ELOVL5: variants seen among roughly 807,000 people sequenced by gnomAD.
ELOVL5 encodes very long chain fatty acid elongase 5.
In ELOVL5, 8 loss-of-function variants were observed where a neutral mutation model predicts 38.6. That is an observed-to-expected ratio of 0.21 (90% CI 0.12 to 0.37). The LOEUF (loss-of-function observed/expected upper bound fraction) is 0.37. Ranked by LOEUF, ELOVL5 falls within the 10% of genes least tolerant of loss-of-function variation. The probability of loss-of-function intolerance (pLI) is 1.00; values close to 1 mark genes in which losing one functional copy is unlikely to be tolerated. For synonymous variants in ELOVL5, 127 were observed against 133.7 expected (o/e 0.95, Z 0.34); for missense variants, 280 against 367.8 (o/e 0.76, Z 1.95).
chr6:53,295,944 T>G (rs1766979775), intron 1 of ELOVL5, among the ~76,000 whole-genome samples: 1 of 152,304 alleles, frequency 6.6e-6, no homozygotes, highest in East Asian at 1.9e-4. Context: ...GCCAGTTTTC[T>G]GAACTTCTTT....
chr6:53,306,224 G>A (rs1359850443), intron 1 of ELOVL5, among the ~76,000 whole-genome samples: 1 of 25,090 alleles, frequency 4.0e-5, no homozygotes, highest in African/African-American at 4.6e-4. Flanking sequence ...AGAGGGGAGA[G>A]GGGAGAGGGG....
At chr6:53,276,818 G>A (rs985610390) in intron 3 of ELOVL5, among the ~76,000 whole-genome samples, 1 of 152,024 alleles carries the variant, frequency 6.6e-6, no homozygotes, top group Non-Finnish European at 1.5e-5. Flanking sequence ...TAGGCTCAGG[G>A]ATAATTTAGT....
At chr6:53,305,686 G>A (rs1052900889) in intron 1 of ELOVL5, among the ~76,000 whole-genome samples, 1 of 150,982 alleles carries the variant, frequency 6.6e-6, no homozygotes, top group Admixed American at 6.6e-5. Context: ...CAGGTAGGAT[G>A]GCGGCCGGGC....
At chr6:53,318,777 C>T (rs1035573968) in intron 1 of ELOVL5, among the ~76,000 whole-genome samples, 2 of 152,058 alleles carry the variant, frequency 1.3e-5, no homozygotes, top group Non-Finnish European at 2.9e-5. Flanking sequence ...AAAGCACATA[C>T]TCGTAAGCTT....
chr6:53,309,047 T>TG (rs1305600177), intron 1 of ELOVL5, among the ~76,000 whole-genome samples: 1 of 152,140 alleles, frequency 6.6e-6, no homozygotes, highest in Admixed American at 6.5e-5. Context: ...CTGCACCTGA[T>TG]GGATTTTTTA....
chr6:53,323,244 T>C (rs2094783250), intron 1 of ELOVL5, among the ~76,000 whole-genome samples: 1 of 152,202 alleles, frequency 6.6e-6, no homozygotes, highest in Admixed American at 6.5e-5. Context: ...GTCTAAGATT[T>C]AGGTGAGGAA....
At chr6:53,276,530 C>T (rs569797628) in intron 3 of ELOVL5, among the ~76,000 whole-genome samples, 2 of 152,278 alleles carry the variant, frequency 1.3e-5, no homozygotes, top group Admixed American at 1.3e-4. Flanking sequence ...AACCCTCAGC[C>T]CGTCACCCCC....
chr6:53,339,441 G>A (rs1215255950), intron 1 of ELOVL5, among the ~76,000 whole-genome samples: 2 of 152,176 alleles, frequency 1.3e-5, no homozygotes, highest in African/African-American at 2.4e-5. Context: ...GAACACCATG[G>A]CCCAGCACAG....
intron 3 of ELOVL5, among the ~76,000 whole-genome samples, chr6:53,286,299 C>T (rs1766567556): frequency 6.6e-6 from 1 of 152,162 alleles, no homozygotes; most frequent in African/African-American, 2.4e-5. Context: ...CAGTGGCTCA[C>T]ACCTGTAATC....
intron 3 of ELOVL5, among the ~76,000 whole-genome samples, chr6:53,288,559 C>T (rs926249429): frequency 2.0e-5 from 3 of 152,160 alleles, no homozygotes; most frequent in African/African-American, 7.2e-5. Flanking sequence ...GAAATAAACA[C>T]TAAAGTTAAT....
intron 4 of ELOVL5, 138 bp downstream of exon 4, chr6:53,276,041 A>AT (rs557429923): frequency 6.6e-6 from 4 of 608,276 alleles, no homozygotes; most frequent in Non-Finnish European, 1.2e-5. Context: ...ATGTGTATAT[A>AT]TTGCCTTTTT....
chr6:53,311,369 G>A (rs1002887594), intron 1 of ELOVL5, among the ~76,000 whole-genome samples: 3 of 152,268 alleles, frequency 2.0e-5, no homozygotes, highest in South Asian at 2.1e-4. Flanking sequence ...ATACTCAGGC[G>A]CTTGCTGTTG....
chr6:53,340,608 C>T (rs1332739326), intron 1 of ELOVL5, among the ~76,000 whole-genome samples: 2 of 152,160 alleles, frequency 1.3e-5, no homozygotes, highest in African/African-American at 2.4e-5. Flanking sequence ...TTTAGATATA[C>T]AGATACTTGC....
chr6:53,304,595 C>G (rs1019215650), intron 1 of ELOVL5, among the ~76,000 whole-genome samples: 1 of 152,182 alleles, frequency 6.6e-6, no homozygotes, highest in South Asian at 2.1e-4. Context: ...GTTTGTGTCC[C>G]TGGGTACTTG....
rs1240387215 is a variant in ELOVL5 at position 53,294,089 on chromosome 6, T to C, written c.58+1553A>G. 23 of 1,370,274 alleles carry C rather than the reference T, an allele frequency of 1.7e-5. No homozygotes were observed. In the East Asian group the frequency reaches 4.9e-4, roughly 29 times the overall value. 84.9% of individuals were successfully genotyped at this position (1,370,274 alleles called of 1,614,324 possible). A position where few individuals can be genotyped will look rare whatever the true frequency, so the allele number is the denominator to read the frequency against. On this transcript the variant is annotated intron_variant, in intron 2 of 7. Transcript: ENST00000304434. Reference sequence around the variant, plus strand: ...AATAAATACACACAAATCTCCCTATTTTAACTTAAACCTCTGATTTACACT... The same window carrying C: ...AATAAATACACACAAATCTCCCTATCTTAACTTAAACCTCTGATTTACACT...
At chr6:53,281,250 T>A (rs1157455087) in intron 3 of ELOVL5, among the ~76,000 whole-genome samples, 1 of 152,206 alleles carries the variant, frequency 6.6e-6, no homozygotes, top group Non-Finnish European at 1.5e-5. Context: ...CTATCCATAC[T>A]CAAGTTCAAC....
chr6:53,292,864 C>A (rs1394938097), intron 2 of ELOVL5, among the ~76,000 whole-genome samples: 8 of 152,120 alleles, frequency 5.3e-5, no homozygotes, highest in Non-Finnish European at 8.8e-5. Flanking sequence ...ATTTAAAGGG[C>A]AGTATTTAAC....
intron 1 of ELOVL5, among the ~76,000 whole-genome samples, chr6:53,320,077 G>A (rs925781896): frequency 1.3e-5 from 2 of 152,100 alleles, no homozygotes; most frequent in African/African-American, 4.8e-5. Context: ...ACTTTGGGAG[G>A]CTGAGGCAGT....
intron 1 of ELOVL5, among the ~76,000 whole-genome samples, chr6:53,312,042 T>G (rs1468738562): frequency 6.6e-6 from 1 of 152,180 alleles, no homozygotes; most frequent in African/African-American, 2.4e-5. Context: ...GTGATATTTG[T>G]AACAAAAACT....
Sources: allele counts gnomAD v4.1 joint callset (sites outside exome capture counted in the v4.1 genomes callset), GRCh38; gene constraint gnomAD v4.1.1; transcripts MANE v1.5; gene names NCBI Gene and HGNC (gene_info 2026-07-23, HGNC 2026-07-21).